The following SLC49A3 variants were observed in gnomAD, a reference collection of about 807,000 sequenced individuals.
SLC49A3 encodes the protein solute carrier family 49 member A3.
Under a neutral mutation model 43.8 loss-of-function variants are expected in SLC49A3, and 50 were observed. The observed-to-expected ratio is 1.14, with a 90% confidence interval of 0.91 to 1.45. SLC49A3 has a LOEUF of 1.45. SLC49A3 is among the 40% of genes most tolerant of loss of function. SLC49A3 has a pLI of 0.00. For synonymous variants in SLC49A3, 413 were observed against 352.0 expected, an observed-to-expected ratio of 1.17 and a Z score of -1.94; for missense variants, 906 against 774.1, an observed-to-expected ratio of 1.17 and a Z score of -2.02.
At chr4:678,408 C>T (rs1477615108), downstream of SLC49A3, 1 of 1,419,662 alleles carries the variant, frequency 7.0e-7, no homozygotes, top group Non-Finnish European at 9.2e-7. Context: ...GACCACTGTG[C>T]TCTGTGGGCC....
At position 683,273 on chromosome 4, in the gene SLC49A3, A is replaced by G. The variant is rs1370180144; in HGVS notation, c.1088T>C (p.Leu363Ser). The change falls in exon 8 of 10, where the codon TTG (leucine) becomes TCG (serine). Residue 363 changes from leucine (L) to serine (S), a missense_variant. Physicochemically the swap from Leu to Ser is moderately radical, Grantham distance 145. Coordinates refer to ENST00000322224, the MANE Select transcript of SLC49A3 (RefSeq NM_032219.4). ...CACGGGGAAGGAACACTCGACCGCC[A>G]ACTCCATGGCCACGGGGCCCACCGA... ...GFSVGPVAME[L>S]AVECSFPVGE... 6.2e-7 allele frequency: 1 copy of G among 1,605,090 alleles called. No individual in the cohort carries two copies. Among genetic ancestry groups the G allele is most frequent in the East Asian group, 2.2e-5 (1 of 44,526 alleles).
rs747405726 is a variant in SLC49A3, at chr4:682,775, G to A, written c.1261+6C>T. On this transcript the variant is annotated splice_donor_region_variant and intron_variant, in intron 9 of 9. Transcript: ENST00000322224. ...GTTCCCTGGGGACTCCCCATGTGAGGCTCACCTGTCCAGTCAAGTGGATCC... is the reference window on the plus strand; with the variant it reads ...GTTCCCTGGGGACTCCCCATGTGAGACTCACCTGTCCAGTCAAGTGGATCC... The A allele has an allele frequency of 6.4e-7, 1 of 1,563,550 alleles. No homozygotes were observed. The highest frequency in any genetic ancestry group is 8.7e-7 in the Non-Finnish European group (1 of 1,148,164).
At chr4:676,884 G>C (rs760561582), downstream of SLC49A3, 9 of 985,352 alleles carry the variant, frequency 9.1e-6, no homozygotes, top group Non-Finnish European at 1.1e-5. Flanking sequence ...TCAACCTCAG[G>C]AGTCAGTGCT....
At chr4:680,975 G>C, downstream of SLC49A3, 1 of 1,159,612 alleles carries the variant, frequency 8.6e-7, no homozygotes, top group Middle Eastern at 2.3e-4. Context: ...ACTCCAGCGG[G>C]AAGGGCGGGA....
At chr4:689,680 G>A (rs886872280), upstream of SLC49A3, among the ~76,000 whole-genome samples, 2 of 152,408 alleles carry the variant, frequency 1.3e-5, no homozygotes, top group East Asian at 1.9e-4. Context: ...AGGCTGGAGG[G>A]AAGGCCAGAA....
chr4:679,714 T>TC (rs1739249572), downstream of SLC49A3, among the ~76,000 whole-genome samples: 1 of 152,154 alleles, frequency 6.6e-6, no homozygotes, highest in African/African-American at 2.4e-5. Context: ...CAGCACTTAG[T>TC]CCTGGGGCTC....
chr4:679,912 A>G, downstream of SLC49A3: 3 of 1,613,510 alleles, frequency 1.9e-6, no homozygotes, highest in Non-Finnish European at 2.5e-6. Flanking sequence ...TGTCTGTAAC[A>G]GGCAAGACCA....
chr4:678,349 C>T, downstream of SLC49A3: 2 of 1,414,360 alleles, frequency 1.4e-6, no homozygotes, highest in Non-Finnish European at 1.8e-6. Flanking sequence ...GTCCACTTGC[C>T]CCTCAAGCCT....
chr4:686,340 G>A, intron 2 of SLC49A3, 38 bp from the exon 3 acceptor site: 1 of 1,603,860 alleles, frequency 6.2e-7, no homozygotes, highest in South Asian at 1.1e-5. Context: ...CAGGAACGCT[G>A]CCACCAGCCC....
Position 684,484 on chromosome 4 carries a change from C to G in SLC49A3, c.839G>C (p.Ser280Thr). ...CCCCAGGGGTGGGGCCAGGCTCACA[C>G]TGGAGTGGCCGCTTGCACAGAGGAT... ...EQILCASGHS[S>T]GFSGLCGALF... The change falls in exon 6 of 10, where the codon AGT (serine) becomes ACT (threonine). Residue 280 changes from serine to threonine, a missense_variant and splice_region_variant. By Grantham distance (58) the Ser-to-Thr change is moderately conservative. Transcript: ENST00000322224. 1.2e-6 allele frequency: 2 copies of G among 1,612,788 alleles called. No homozygotes were observed. The highest frequency in any genetic ancestry group is 8.5e-7 in the Non-Finnish European group (1 of 1,179,832).
downstream of SLC49A3, chr4:678,663 C>T: frequency 1.2e-6 from 2 of 1,607,180 alleles, no homozygotes; most frequent in Non-Finnish European, 1.7e-6. Flanking sequence ...CGCAGGCCAG[C>T]AGGAAGACCA....
chr4:689,106 C>T lies in SLC49A3; in HGVS notation c.22G>A (p.Glu8Lys), dbSNP rs1212137562. ...GCCCGGGGCTCGGCCAACCCCGTCTCGGCCTCCGTCGGCCCCGCCATCGTC... is the reference window on the plus strand; with the variant it reads ...GCCCGGGGCTCGGCCAACCCCGTCTTGGCCTCCGTCGGCCCCGCCATCGTC... MAGPTEAETGLAEPRALC... is the reference protein window; with the variant it reads MAGPTEAKTGLAEPRALC... Residue 8 changes from glutamate (E) to lysine (K), a missense_variant, in exon 1 of 10, where the codon GAG becomes AAG. Coordinates refer to ENST00000322224, the MANE Select transcript of SLC49A3 (RefSeq NM_032219.4). 2 of 1,427,252 alleles carry T rather than the reference C, an allele frequency of 1.4e-6. No individual in the cohort carries two copies. Among genetic ancestry groups the T allele is most frequent in the Non-Finnish European group, 9.1e-7 (1 of 1,098,288 alleles). 88.4% of individuals were successfully genotyped at this position (1,427,252 alleles called of 1,614,324 possible). A position where few individuals can be genotyped will look rare whatever the true frequency, so the allele number is the denominator to read the frequency against.
In SLC49A3 at chr4:685,923, G is replaced by GATGCACAA; in HGVS notation, c.509-20_509-13dup. 6.2e-7 allele frequency: 1 copy of GATGCACAA among 1,613,866 alleles called. No homozygotes were observed. The highest frequency in any genetic ancestry group is 1.1e-5 in the South Asian group (1 of 91,074). ...GCCCAGAGGGTTCGCTGGGTGGGCGGATGCACAAAGTGTCAGCTCGGCTGT... is the reference window on the plus strand; with the variant it reads ...GCCCAGAGGGTTCGCTGGGTGGGCGGATGCACAAATGCACAAAGTGTCAGCTCGGCTGT... On this transcript the variant is annotated splice_polypyrimidine_tract_variant and intron_variant, in intron 3 of 9. Transcript: ENST00000322224. This position sits in a 1 kb window ranked among gnomAD's most constrained non-coding sequence, Gnocchi z 4.3.
chr4:683,645 C>T lies in SLC49A3; in HGVS notation c.957G>A (p.Leu319=), dbSNP rs1740339241. 2 of 1,612,448 alleles carry T rather than the reference C, an allele frequency of 1.2e-6. No homozygotes were observed. Among genetic ancestry groups the T allele is most frequent in the South Asian group, 1.1e-5 (1 of 90,896 alleles). ...GCACGCAGGCCAGAGAGAACAGGCA[C>T]AGGCCAATCTTGGTGGCCTCAGTGA... ...KHFTEATKIG[L]CLFSLACVPF... The change falls in exon 7 of 10, where the codon CTG becomes CTA. Residue 319 remains leucine, a synonymous_variant. Transcript: ENST00000322224.
downstream of SLC49A3, chr4:678,313 C>T (rs139493776): frequency 1.5e-5 from 22 of 1,427,788 alleles, no homozygotes; most frequent in South Asian, 2.9e-5. Context: ...CACAAAATCC[C>T]GGTACCCAGA....
At chr4:681,512 C>A (rs1251489162), downstream of SLC49A3, among the ~76,000 whole-genome samples, 1 of 150,098 alleles carries the variant, frequency 6.7e-6, no homozygotes, top group Non-Finnish European at 1.5e-5. Flanking sequence ...GACCCCCGCA[C>A]CTCCCCCAGA....
chr4:682,355 C>G lies in SLC49A3; in HGVS notation c.1283G>C (p.Gly428Ala), dbSNP rs1577346582. The G allele has an allele frequency of 2.2e-6, 3 of 1,341,642 alleles. No individual in the cohort carries two copies. Among genetic ancestry groups the G allele is most frequent in the Non-Finnish European group, 2.9e-6 (3 of 1,036,746 alleles). The allele number at this position is 1,341,642 out of a possible 1,614,324, so 83.1% of individuals were successfully genotyped here. Reference sequence around the variant, plus strand: ...GATGCAGCTGAAGAAGGTGCACAGGCCGGCCATCAGCAGCAGAGACACTGG... The same window carrying G: ...GATGCAGCTGAAGAAGGTGCACAGGGCGGCCATCAGCAGCAGAGACACTGG... ...DWTVSLLLMA[G>A]LCTFFSCILA... Residue 428 changes from glycine (G) to alanine (A), a missense_variant, in exon 10 of 10, where the codon GGC (glycine) becomes GCC (alanine). Physicochemically the swap from Gly to Ala is moderately conservative, Grantham distance 60 (BLOSUM62 0). Transcript: ENST00000322224.
Position 682,089 on chromosome 4 carries a change from G to T in SLC49A3, c.1549C>A (p.Arg517Ser). ...TCGGTGGCTGCTGGGCCTTGCGCAC[G>T]GGGAGTCGCTCGGTGGCAGGCTGGG... Reference protein sequence around the residue: ...PHPACHRATPRAQGPAATDAP... With the variant: ...PHPACHRATPSAQGPAATDAP... The change falls in exon 10 of 10, where the codon CGT becomes AGT. Residue 517 changes from arginine to serine, a missense_variant. By Grantham distance (110) the Arg-to-Ser change is moderately radical. Coordinates refer to ENST00000322224, the MANE Select transcript of SLC49A3 (RefSeq NM_032219.4). 7 of 1,394,582 alleles carry T rather than the reference G, an allele frequency of 5.0e-6. No homozygotes were observed. The highest frequency in any genetic ancestry group is 6.6e-6 in the Non-Finnish European group (7 of 1,063,354). 86.4% of individuals were successfully genotyped at this position (1,394,582 alleles called of 1,614,324 possible).
At chr4:678,584 T>C (rs1314574492), downstream of SLC49A3, 3 of 1,538,400 alleles carry the variant, frequency 2.0e-6, no homozygotes, top group Non-Finnish European at 2.6e-6. Context: ...GAGTTAAGTC[T>C]CTCAAAACTC....
Sources: gnomAD v4.1 joint callset for allele counts (sites outside exome capture counted in the v4.1 genomes callset) on GRCh38, gnomAD v4.1.1 for gene constraint, Gnocchi (gnomAD v3.1) non-coding constraint, MANE v1.5 for transcripts, NCBI Gene and HGNC (gene_info 2026-07-23, HGNC 2026-07-21) for gene names.